Variants in TLN2 observed in about 807,000 individuals in gnomAD.
TLN2 encodes the protein talin-2.
A neutral mutation model predicts 294.7 loss-of-function variants in TLN2; 118 were observed. The observed-to-expected ratio is 0.40, with a 90% CI of 0.34 to 0.47. TLN2 has a LOEUF of 0.47. Among genes scored for constraint, TLN2 ranks in the 20% least tolerant of loss-of-function variants. The pLI is 0.84. For synonymous variants in TLN2, 1,431 were observed against 1,304.5 expected (o/e 1.10, Z -2.09); for missense variants, 3,083 against 3,282.2 (o/e 0.94, Z 1.48).
At chr15:62,809,064 C>T (rs1211967213) in intron 51 of TLN2, among the ~76,000 whole-genome samples, 1 of 152,202 alleles carries the variant, frequency 6.6e-6, no homozygotes, top group African/African-American at 2.4e-5. Flanking sequence ...TGTATTTCTG[C>T]AAGCCCCTCA....
intron 29 of TLN2, 53 bp downstream of exon 29, chr15:62,737,139 A>G: frequency 6.3e-7 from 1 of 1,591,374 alleles, no homozygotes; most frequent in Non-Finnish European, 8.6e-7. Flanking sequence ...TAACGTGGAC[A>G]TGTGGTCGGG....
At chr15:62,656,135 C>T (rs778301643) in intron 8 of TLN2, 49 bp downstream of exon 8, 4 of 1,601,738 alleles carry the variant, frequency 2.5e-6, no homozygotes, top group Admixed American at 3.4e-5. Flanking sequence ...TTGCAGGAAG[C>T]TCCTGGCTGT....
At chr15:62,465,021 T>C (rs1187889336) in intron 1 of TLN2, among the ~76,000 whole-genome samples, 1 of 151,690 alleles carries the variant, frequency 6.6e-6, no homozygotes. Flanking sequence ...TAGTCTTTTT[T>C]CCCCCCTTAA....
intron 1 of TLN2, among the ~76,000 whole-genome samples, chr15:62,439,816 C>A (rs79684673): frequency 6.6e-6 from 1 of 152,116 alleles, no homozygotes; most frequent in Non-Finnish European, 1.5e-5. Flanking sequence ...AGTGAGCTTA[C>A]AATTTCGAAA....
intron 1 of TLN2, among the ~76,000 whole-genome samples, chr15:62,537,143 C>G (rs1017427512): frequency 6.6e-6 from 1 of 151,942 alleles, no homozygotes; most frequent in African/African-American, 2.4e-5. Context: ...CTCAGCCTCC[C>G]GAGTAGCTGG....
chr15:62,410,515 G>C (rs758024853), intron 1 of TLN2, among the ~76,000 whole-genome samples: 17 of 152,108 alleles, frequency 1.1e-4, no homozygotes, highest in Non-Finnish European at 2.4e-4. Flanking sequence ...TTGTGAATTA[G>C]TTTGCAAAGT....
At position 62,582,982 on chromosome 15, in the gene TLN2, TATCCC is replaced by T. The variant is rs2045273124; in HGVS notation, c.-237-6704_-237-6700del. ...ATGACCAAGGAAGAGTTAGACACTT[TATCCC>T]TGCTCTTTCCTCCATTGCCTCCTTA... On this transcript the variant is annotated intron_variant, in intron 1 of 58. Coordinates refer to ENST00000636159, the MANE Select transcript of TLN2 (RefSeq NM_015059.3). Among the ~76,000 whole-genome samples the T allele has an allele frequency of 2.0e-5, 3 of 152,328 alleles. No individual in the cohort carries two copies. The South Asian group carries it at 6.2e-4, about 32-fold the overall frequency.
Position 62,833,305 on chromosome 15 carries a change from C to G in TLN2, c.7003-199C>G. On this transcript the variant is annotated intron_variant, in intron 54 of 58. Transcript: ENST00000636159. ...GTGACCCGAGGGTGGCTTAACCAAACTGACTTAAGAGTCCTGAAAGTTTGC... is the reference window on the plus strand; with the variant it reads ...GTGACCCGAGGGTGGCTTAACCAAAGTGACTTAAGAGTCCTGAAAGTTTGC... The G allele has an allele frequency of 5.5e-6, 4 of 723,830 alleles. No individual in the cohort carries two copies. The South Asian group carries it at 9.2e-5, about 17-fold the overall frequency. 44.8% of individuals were successfully genotyped at this position (723,830 alleles called of 1,614,324 possible).
At chr15:62,533,438 ATCTG>A (rs1192529882) in intron 1 of TLN2, among the ~76,000 whole-genome samples, 3 of 151,830 alleles carry the variant, frequency 2.0e-5, no homozygotes, top group Non-Finnish European at 4.4e-5. Flanking sequence ...CTCAACAGTG[ATCTG>A]TCTGTTTGTA....
Position 62,776,749 on chromosome 15 carries a change from CA to C in TLN2, c.5368-13del, listed in dbSNP as rs2063744806. 1 of 1,494,024 alleles carries C rather than the reference CA, an allele frequency of 6.7e-7. No homozygotes were observed. The highest frequency in any genetic ancestry group is 9.0e-7 in the Non-Finnish European group (1 of 1,114,380). The allele number at this position is 1,494,024 out of a possible 1,614,324, so 92.5% of individuals were successfully genotyped here. A position where few individuals can be genotyped will look rare whatever the true frequency, so the allele number is the denominator to read the frequency against. On this transcript the variant is annotated splice_polypyrimidine_tract_variant and intron_variant, in intron 42 of 58. Transcript: ENST00000636159. ...CTCTTCTGCTTAAGGAAATGTTTCACAATTCCCTTCTCAGGCACAACACACC... is the reference window on the plus strand; with the variant it reads ...CTCTTCTGCTTAAGGAAATGTTTCACATTCCCTTCTCAGGCACAACACACC...
At chr15:62,786,315 C>T (rs144335509) in intron 45 of TLN2, among the ~76,000 whole-genome samples, 9 of 152,298 alleles carry the variant, frequency 5.9e-5, no homozygotes, top group African/African-American at 2.2e-4. Flanking sequence ...TATGCAAGGT[C>T]AGCATTTTGG....
At chr15:62,820,753 C>A in intron 54 of TLN2, 143 bp downstream of exon 54, 1 of 1,118,352 alleles carries the variant, frequency 8.9e-7, no homozygotes, top group Non-Finnish European at 1.3e-6. Flanking sequence ...TCTACCTGCC[C>A]GGCACTGCTT....
intron 11 of TLN2, among the ~76,000 whole-genome samples, chr15:62,684,295 C>T (rs186052325): frequency 2.0e-5 from 3 of 152,308 alleles, no homozygotes; most frequent in Non-Finnish European, 4.4e-5. Context: ...TATCTCCAGT[C>T]CCCTTCCTGG....
At chr15:62,779,111 G>C (rs2063928882) in intron 43 of TLN2, among the ~76,000 whole-genome samples, 1 of 152,182 alleles carries the variant, frequency 6.6e-6, no homozygotes, top group African/African-American at 2.4e-5. Flanking sequence ...ATTCTAACTT[G>C]GATGTGACTC....
chr15:62,571,691 A>G (rs1344373750), intron 1 of TLN2, among the ~76,000 whole-genome samples: 2 of 152,094 alleles, frequency 1.3e-5, no homozygotes, highest in Non-Finnish European at 2.9e-5. Context: ...TCAATGCATG[A>G]CCCATCTTGT....
chr15:62,835,775 G>A lies in TLN2; in HGVS notation c.7167G>A (p.Gln2389=), dbSNP rs201024580. ...SIPANAADDG[Q]WSQGLISAAR... is the part of the protein sequence containing the mutation. ...CTGCCAATGCTGCAGACGACGGACA[G>A]TGGTCACAGGGGCTGATTTCTGCTG... Residue 2389 remains glutamine, a synonymous_variant, in exon 56 of 59, where the codon CAG becomes CAA. Transcript: ENST00000636159. The A allele has an allele frequency of 1.9e-5, 31 of 1,614,204 alleles. No individual in the cohort carries two copies. In the East Asian group the frequency reaches 6.2e-4, roughly 32 times the overall value.
At chr15:62,531,231 T>C (rs547996883) in intron 1 of TLN2, among the ~76,000 whole-genome samples, 39 of 152,358 alleles carry the variant, frequency 2.6e-4, no homozygotes, top group African/African-American at 9.4e-4. Flanking sequence ...CACAGTGGAA[T>C]ACTATTCAGC....
In TLN2 at chr15:62,717,614, C is replaced by T. The variant is rs1435596375; in HGVS notation, c.2802C>T (p.Thr934=). The change falls in exon 24 of 59, where the codon ACC becomes ACT. Residue 934 remains threonine (T), a synonymous_variant. Coordinates refer to ENST00000636159, the MANE Select transcript of TLN2 (RefSeq NM_015059.3). ...AKQAAAAATQ[T]IAASQNAAVS... ...AGGCCGCAGCGGCAGCCACACAGAC[C>T]ATCGCCGCCTCCCAGAATGCAGCTG... is the stretch of plus-strand genomic sequence containing the variant. The T allele has an allele frequency of 1.2e-6, 2 of 1,602,826 alleles. No individual in the cohort carries two copies. Among genetic ancestry groups the T allele is most frequent in the Admixed American group, 1.7e-5 (1 of 58,008 alleles).
chr15:62,770,938 C>T lies in TLN2; in HGVS notation c.5197-26C>T, dbSNP rs750988350. 33 of 1,516,138 alleles carry T rather than the reference C, an allele frequency of 2.2e-5. No homozygotes were observed. In the South Asian group the frequency reaches 3.9e-4, roughly 18 times the overall value. 93.9% of individuals were successfully genotyped at this position (1,516,138 alleles called of 1,614,324 possible). A position where few individuals can be genotyped will look rare whatever the true frequency, so the allele number is the denominator to read the frequency against. ...ACACGTGTATTTACATGATACATCT[C>T]TGGCTTTTTTTTTTTTTTTTGAAAG... On this transcript the variant is annotated intron_variant, in intron 41 of 58. Transcript: ENST00000636159.
Sources: gnomAD v4.1 joint callset for allele counts (sites outside exome capture counted in the v4.1 genomes callset) on GRCh38, gnomAD v4.1.1 for gene constraint, MANE v1.5 for transcripts, NCBI Gene and HGNC (gene_info 2026-07-23, HGNC 2026-07-21) for gene names.